Variants in KIAA0586 observed in about 807,000 individuals in gnomAD.
KIAA0586 encodes KIAA0586.
KIAA0586 carries 144 observed loss-of-function variants against 169.8 expected under a neutral mutation model. The observed-to-expected ratio is 0.85, with a 90% CI of 0.74 to 0.97. The LOEUF (loss-of-function observed/expected upper bound fraction) is 0.97. Ranked by LOEUF, KIAA0586 falls within the 50% of genes least tolerant of loss-of-function variation. The pLI is 0.00. For missense variants in KIAA0586, 1,854 were observed against 1,823.0 expected, an observed-to-expected ratio of 1.02 and a Z score of -0.31; for synonymous variants, 625 against 612.4, an observed-to-expected ratio of 1.02 and a Z score of -0.30.
intron 29 of KIAA0586, among the ~76,000 whole-genome samples, chr14:58,536,316 A>C (rs1566954542): frequency 6.6e-6 from 1 of 151,262 alleles, no homozygotes; most frequent in African/African-American, 2.4e-5. Context: ...TGGCTTTTGG[A>C]GTTTTCATCG....
chr14:58,455,694 A>G (rs200606320), intron 9 of KIAA0586, among the ~76,000 whole-genome samples: 37 of 128,818 alleles, frequency 2.9e-4, no homozygotes, highest in African/African-American at 7.4e-4. Context: ...GTGTGTGTGT[A>G]TGTGTGTGTG....
chr14:58,538,294 T>G (rs1375566788), intron 29 of KIAA0586, among the ~76,000 whole-genome samples: 1 of 152,244 alleles, frequency 6.6e-6, no homozygotes, highest in Non-Finnish European at 1.5e-5. Flanking sequence ...AGTATAACAA[T>G]AATAGTTTAA....
chr14:58,488,019 C>T lies in KIAA0586; in HGVS notation c.3437C>T (p.Pro1146Leu), dbSNP rs2042587558. ...ISIDKLKVSS[P>L]ELPKPWGDGD... ...ATTGATAAATTGAAGGTATCAAGCC[C>T]AGAGCTTCCCAAGCCATGGGGTGAT... is the stretch of plus-strand genomic sequence containing the variant. The change falls in exon 23 of 31, where the codon CCA becomes CTA. Residue 1146 changes from proline to leucine, a missense_variant. Transcript: ENST00000652326. 1 of 1,610,430 alleles carries T rather than the reference C, an allele frequency of 6.2e-7. No individual in the cohort carries two copies.
intron 29 of KIAA0586, among the ~76,000 whole-genome samples, chr14:58,534,392 C>G (rs2046160498): frequency 6.6e-6 from 1 of 152,062 alleles, no homozygotes; most frequent in African/African-American, 2.4e-5. Context: ...GATATTATTG[C>G]TTAATAGACA....
At chr14:58,496,662 G>T (rs1193553511) in intron 26 of KIAA0586, among the ~76,000 whole-genome samples, 2 of 152,120 alleles carry the variant, frequency 1.3e-5, no homozygotes, top group Non-Finnish European at 2.9e-5. Flanking sequence ...CTTGAATGTT[G>T]AGCTAAGAAG....
chr14:58,535,402 C>G (rs2046218176), intron 29 of KIAA0586, among the ~76,000 whole-genome samples: 1 of 152,176 alleles, frequency 6.6e-6, no homozygotes, highest in Admixed American at 6.5e-5. Context: ...GGAATACAGT[C>G]AAGTACTTAA....
In KIAA0586 at chr14:58,488,470, C is replaced by T. The variant is rs180983876; in HGVS notation, c.3528-151C>T. 4 of 847,410 alleles carry T rather than the reference C, an allele frequency of 4.7e-6. No individual in the cohort carries two copies. In the Admixed American group the frequency reaches 1.2e-4, roughly 25 times the overall value. The allele number at this position is 847,410 out of a possible 1,614,324, so 52.5% of individuals were successfully genotyped here. A position where few individuals can be genotyped will look rare whatever the true frequency, so the allele number is the denominator to read the frequency against. On this transcript the variant is annotated intron_variant, in intron 23 of 30. Coordinates refer to ENST00000652326, the MANE Select transcript of KIAA0586 (RefSeq NM_001329943.3). ...ATGGCCTATGATTAAAGCATGAAAA[C>T]AACTTTTAAAAATCTTGTTAATTAT... is the stretch of plus-strand genomic sequence containing the variant.
At chr14:58,557,783 G>C in the KIAA0586 span, among the ~76,000 whole-genome samples, 2 of 151,728 alleles carry the variant, frequency 1.3e-5, no homozygotes, top group African/African-American at 4.8e-5. Context: ...GATATACAAA[G>C]TGTAGAGTTG....
At chr14:58,461,545 C>G (rs893268309) in intron 14 of KIAA0586, among the ~76,000 whole-genome samples, 8 of 152,090 alleles carry the variant, frequency 5.3e-5, no homozygotes, top group African/African-American at 1.9e-4. Flanking sequence ...AGTGATCCTC[C>G]CCTCTCAGCC....
chr14:58,544,194 T>A (rs181657211), intron 30 of KIAA0586, among the ~76,000 whole-genome samples: 1 of 152,302 alleles, frequency 6.6e-6, no homozygotes, highest in East Asian at 1.9e-4. Flanking sequence ...GCAAAAGACA[T>A]GATCTTGTTC....
intron 20 of KIAA0586, among the ~76,000 whole-genome samples, chr14:58,478,065 G>A (rs1272449848): frequency 6.6e-6 from 1 of 152,054 alleles, no homozygotes; most frequent in Non-Finnish European, 1.5e-5. Flanking sequence ...TAGGCTAGAG[G>A]CTGGACTGCA....
At chr14:58,456,579 C>T (rs1466955012) in intron 9 of KIAA0586, 123 bp from the exon 10 acceptor site, 10 of 566,842 alleles carry the variant, frequency 1.8e-5, no homozygotes, top group Non-Finnish European at 3.2e-5. Flanking sequence ...AATAGGATAC[C>T]ATTTAGTAAT....
In KIAA0586 at chr14:58,482,552, A is replaced by G. The variant is rs368583200; in HGVS notation, c.2984A>G (p.Asp995Gly). The G allele has an allele frequency of 7.7e-5, 121 of 1,570,324 alleles. No homozygotes were observed. The highest frequency in any genetic ancestry group is 1.0e-4 in the Non-Finnish European group (120 of 1,156,018). ...AGTGGCGCCCTCCAGCTTTTTGTTG[A>G]TGCTGGTGTTCCTGTGAACTCAAAT... is the stretch of plus-strand genomic sequence containing the variant. Reference protein sequence around the residue: ...TSSGALQLFVDAGVPVNSNVI... With the variant: ...TSSGALQLFVGAGVPVNSNVI... Residue 995 changes from aspartate (D) to glycine (G), a missense_variant, in exon 21 of 31, where the codon GAT becomes GGT. Coordinates refer to ENST00000652326, the MANE Select transcript of KIAA0586 (RefSeq NM_001329943.3).
rs529625820 is a variant in KIAA0586, at chr14:58,447,524, A to G, written c.808-816A>G. Among the ~76,000 whole-genome samples the G allele has an allele frequency of 4.8e-4, 72 of 150,944 alleles. 2 individuals carry two copies. Among genetic ancestry groups the G allele is most frequent in the Admixed American group, 4.0e-3 (61 of 15,154 alleles). On this transcript the variant is annotated intron_variant, in intron 6 of 30. Transcript: ENST00000652326. ...GAGATAGAGTCCTGCTCTGTCACCC[A>G]GGCTGGAGTGTAGTGGCACCATTTC...
chr14:58,528,848 T>A (rs946154104), intron 29 of KIAA0586, among the ~76,000 whole-genome samples: 4 of 151,646 alleles, frequency 2.6e-5, no homozygotes, highest in African/African-American at 9.7e-5. Context: ...AAGAAATAAC[T>A]AAGATCAGAG....
intron 4 of KIAA0586, among the ~76,000 whole-genome samples, chr14:58,436,172 G>A (rs147584764): frequency 1.5e-3 from 221 of 152,146 alleles, no homozygotes; most frequent in African/African-American, 3.9e-3. Flanking sequence ...AATCAGTTAT[G>A]GATATTGAAA....
chr14:58,486,938 C>T (rs1021225215), intron 21 of KIAA0586, 69 bp from the exon 22 acceptor site: 9 of 1,279,668 alleles, frequency 7.0e-6, no homozygotes, highest in Non-Finnish European at 8.7e-6. Context: ...TGAATGAGTT[C>T]ATATTATTTT....
chr14:58,476,212 T>C (rs1758636588), intron 19 of KIAA0586, among the ~76,000 whole-genome samples: 1 of 152,200 alleles, frequency 6.6e-6, no homozygotes, highest in South Asian at 2.1e-4. Flanking sequence ...TATCAATTTT[T>C]TAAACTCTTA....
At position 58,477,105 on chromosome 14, in the gene KIAA0586, G is replaced by A; in HGVS notation, c.2826-18G>A. 1 of 1,340,406 alleles carries A rather than the reference G, an allele frequency of 7.5e-7. No homozygotes were observed. Among genetic ancestry groups the A allele is most frequent in the East Asian group, 2.5e-5 (1 of 40,686 alleles). The allele number at this position is 1,340,406 out of a possible 1,614,324, so 83.0% of individuals were successfully genotyped here. A position where few individuals can be genotyped will look rare whatever the true frequency, so the allele number is the denominator to read the frequency against. Reference sequence around the variant, plus strand: ...AATTGAGGAATCTTAACTTTTATCTGCCCCACCATCCTCTCAGGGTAGAGC... The same window carrying A: ...AATTGAGGAATCTTAACTTTTATCTACCCCACCATCCTCTCAGGGTAGAGC... On this transcript the variant is annotated intron_variant, in intron 19 of 30. Transcript: ENST00000652326.
Sources: gnomAD v4.1 joint callset for allele counts (sites outside exome capture counted in the v4.1 genomes callset) on GRCh38, gnomAD v4.1.1 for gene constraint, MANE v1.5 for transcripts, NCBI Gene and HGNC (gene_info 2026-07-23, HGNC 2026-07-21) for gene names.